The following TM4SF1 variants were observed in gnomAD, a reference collection of about 807,000 sequenced individuals.
TM4SF1 encodes transmembrane 4 L6 family member 1.
TM4SF1 carries 20 observed loss-of-function variants against 24.5 expected under a neutral mutation model. The observed-to-expected ratio is 0.82, with a 90% CI of 0.57 to 1.19. The LOEUF (loss-of-function observed/expected upper bound fraction) is 1.19. Among genes scored for constraint, TM4SF1 ranks in the 50% most tolerant of loss-of-function variants. The probability of loss-of-function intolerance (pLI) is 0.00; values close to 1 mark genes in which losing one functional copy is unlikely to be tolerated. For missense variants in TM4SF1, 258 were observed against 248.1 expected, an observed-to-expected ratio of 1.04 and a Z score of -0.27; for synonymous variants, 107 against 95.4, an observed-to-expected ratio of 1.12 and a Z score of -0.71.
intron 3 of TM4SF1, among the ~76,000 whole-genome samples, chr3:149,372,692 T>C (rs1372546721): frequency 6.6e-6 from 1 of 152,172 alleles, no homozygotes; most frequent in East Asian, 1.9e-4. Flanking sequence ...GGCGCAATCT[T>C]GGCTCATTGC....
chr3:149,371,385 G>C, intron 4 of TM4SF1: 1 of 551,316 alleles, frequency 1.8e-6, no homozygotes, highest in Non-Finnish European at 3.2e-6. Flanking sequence ...TTTTTTTTCT[G>C]TCTCTGCAGC....
At chr3:149,374,131 A>G (rs1293058777) in intron 3 of TM4SF1, among the ~76,000 whole-genome samples, 1 of 152,206 alleles carries the variant, frequency 6.6e-6, no homozygotes, top group Non-Finnish European at 1.5e-5. Flanking sequence ...ACAATGTGGC[A>G]GCCTCTGTGG....
chr3:149,375,480 C>A lies in TM4SF1; in HGVS notation c.376G>T (p.Gly126Cys). Reference protein sequence around the residue: ...AEGPLCLDSLGQWNYTFASTE... With the variant: ...AEGPLCLDSLCQWNYTFASTE... ...CTGGCAAAGGTGTAGTTCCACTGGC[C>A]GAGGGAATCAAGACATAGTGGTCCT... The change falls in exon 3 of 5, where the codon GGC becomes TGC. Residue 126 changes from glycine to cysteine, a missense_variant. Coordinates refer to ENST00000305366, the MANE Select transcript of TM4SF1 (RefSeq NM_014220.3). 1 of 1,614,124 alleles carries A rather than the reference C, an allele frequency of 6.2e-7. No individual in the cohort carries two copies. The highest frequency in any genetic ancestry group is 8.5e-7 in the Non-Finnish European group (1 of 1,180,032).
chr3:149,377,626 C>T lies in TM4SF1; in HGVS notation c.-79G>A, dbSNP rs1343156759. On this transcript the variant is annotated 5_prime_UTR_variant, in exon 1 of 5. Coordinates refer to ENST00000305366, the MANE Select transcript of TM4SF1 (RefSeq NM_014220.3). ...CCAAATTAGATGAAAGTGTGCCCTT[C>T]TGGTGGAGAAAGCAAACACCACTCT... is the stretch of plus-strand genomic sequence containing the variant. 22 of 1,531,962 alleles carry T rather than the reference C, an allele frequency of 1.4e-5. No homozygotes were observed. Among genetic ancestry groups the T allele is most frequent in the Non-Finnish European group, 1.9e-5 (22 of 1,140,340 alleles). The allele number at this position is 1,531,962 out of a possible 1,614,324, so 94.9% of individuals were successfully genotyped here.
Position 149,375,757 on chromosome 3 carries a change from C to T in TM4SF1, c.190G>A (p.Ala64Thr), listed in dbSNP as rs1560003553. Residue 64 changes from alanine (A) to threonine (T), a missense_variant, in exon 2 of 5, where the codon GCA becomes ACA. Coordinates refer to ENST00000305366, the MANE Select transcript of TM4SF1 (RefSeq NM_014220.3). Reference sequence around the variant, plus strand: ...TGTTCCAGCCCAATGAAGACAAATGCTGGCAGGAGCATCTGGTTAGGAAAC... The same window carrying T: ...TGTTCCAGCCCAATGAAGACAAATGTTGGCAGGAGCATCTGGTTAGGAAAC... ...VGGGLLMLLP[A>T]FVFIGLEQDD... is the part of the protein sequence containing the mutation. 2 of 1,614,104 alleles carry T rather than the reference C, an allele frequency of 1.2e-6. No individual in the cohort carries two copies. Among genetic ancestry groups the T allele is most frequent in the Non-Finnish European group, 1.7e-6 (2 of 1,180,046 alleles).
intron 3 of TM4SF1, among the ~76,000 whole-genome samples, chr3:149,374,156 A>ATTT (rs1203135423): frequency 1.5e-5 from 2 of 135,566 alleles, no homozygotes; most frequent in Non-Finnish European, 3.2e-5. Flanking sequence ...CATTTTACAT[A>ATTT]TTATTTCATT....
chr3:149,375,588 T>C lies in TM4SF1; in HGVS notation c.268A>G (p.Met90Val). The C allele has an allele frequency of 6.2e-7, 1 of 1,614,074 alleles. No homozygotes were observed. The highest frequency in any genetic ancestry group is 8.5e-7 in the Non-Finnish European group (1 of 1,179,996). ...GHENCGKRCA[M>V]LSSVLAALIG... ...AGAGCAGCCAATACAGAAGAAAGCA[T>C]CTAGGGAAAAGCAGACACACAGGAA... is the stretch of plus-strand genomic sequence containing the variant. The change falls in exon 3 of 5, where the codon ATG becomes GTG. Residue 90 changes from methionine to valine, a missense_variant and splice_region_variant. Transcript: ENST00000305366.
chr3:149,374,746 CA>C (rs1396861895), intron 3 of TM4SF1, among the ~76,000 whole-genome samples: 1 of 144,920 alleles, frequency 6.9e-6, no homozygotes, highest in African/African-American at 2.9e-5. Flanking sequence ...CATGTATACA[CA>C]GGGGTAAGGG....
rs1430710429 is a variant in TM4SF1, at chr3:149,374,131, A to AGCTGCATACAATGTGGC, written c.413+1311_413+1312insGCCACATTGTATGCAGC. Among the ~76,000 whole-genome samples the AGCTGCATACAATGTGGC allele has an allele frequency of 7.9e-5, 12 of 152,324 alleles. No homozygotes were observed. In the East Asian group the frequency reaches 2.3e-3, roughly 29 times the overall value. ...CAGTGGCAGTTGCACACAATGTGGC[A>AGCTGCATACAATGTGGC]GCCTCTGTGGGGAACATTTTACATA... On this transcript the variant is annotated intron_variant, in intron 3 of 4. Transcript: ENST00000305366.
At chr3:149,373,356 A>C (rs1731875729) in intron 3 of TM4SF1, among the ~76,000 whole-genome samples, 1 of 152,234 alleles carries the variant, frequency 6.6e-6, no homozygotes, top group Non-Finnish European at 1.5e-5. Context: ...TAGCTCTCCT[A>C]GAATTTCAGC....
In TM4SF1 at chr3:149,375,579, A is replaced by C; in HGVS notation, c.277T>G (p.Ser93Ala). 6.2e-7 allele frequency: 1 copy of C among 1,614,210 alleles called. No homozygotes were observed. The highest frequency in any genetic ancestry group is 8.5e-7 in the Non-Finnish European group (1 of 1,180,038). The change falls in exon 3 of 5, where the codon TCT becomes GCT. Residue 93 changes from serine to alanine, a missense_variant. Physicochemically the swap from Ser to Ala is moderately conservative, Grantham distance 99. Coordinates refer to ENST00000305366, the MANE Select transcript of TM4SF1 (RefSeq NM_014220.3). ...NCGKRCAMLS[S>A]VLAALIGIAG... ...ATTCCAATGAGAGCAGCCAATACAGAAGAAAGCATCTAGGGAAAAGCAGAC... is the reference window on the plus strand; with the variant it reads ...ATTCCAATGAGAGCAGCCAATACAGCAGAAAGCATCTAGGGAAAAGCAGAC...
intron 4 of TM4SF1, 88 bp downstream of exon 4, chr3:149,371,599 A>T: frequency 7.5e-7 from 1 of 1,339,302 alleles, no homozygotes; most frequent in African/African-American, 1.4e-5. Flanking sequence ...TAGGTCGAGC[A>T]TGTTTGGTTT....
At position 149,375,535 on chromosome 3, in the gene TM4SF1, A is replaced by C. The variant is rs1731929283; in HGVS notation, c.321T>G (p.Cys107Trp). Residue 107 changes from cysteine (C) to tryptophan (W), a missense_variant, in exon 3 of 5, where the codon TGT becomes TGG. Physicochemically the swap from Cys to Trp is radical, Grantham distance 215. Transcript: ENST00000305366. ...ALIGIAGSGYCVIVAALGLAE... is the reference protein window; with the variant it reads ...ALIGIAGSGYWVIVAALGLAE... Reference sequence around the variant, plus strand: ...CTAAGCCAAGGGCTGCCACAATGACACAGTAGCCAGATCCTGCAATTCCAA... The same window carrying C: ...CTAAGCCAAGGGCTGCCACAATGACCCAGTAGCCAGATCCTGCAATTCCAA... The C allele has an allele frequency of 6.2e-7, 1 of 1,614,238 alleles. No homozygotes were observed. Among genetic ancestry groups the C allele is most frequent in the Non-Finnish European group, 8.5e-7 (1 of 1,180,032 alleles).
At chr3:149,371,934 T>C in intron 3 of TM4SF1, 67 bp from the exon 4 acceptor site, 1 of 1,477,806 alleles carries the variant, frequency 6.8e-7, no homozygotes, top group Non-Finnish European at 9.3e-7. Flanking sequence ...AAACTACTTT[T>C]GTTTGGTGGT....
intron 3 of TM4SF1, among the ~76,000 whole-genome samples, chr3:149,373,114 A>T (rs1180364272): frequency 6.6e-6 from 1 of 152,232 alleles, no homozygotes; most frequent in East Asian, 1.9e-4. Flanking sequence ...AGCTCCATGA[A>T]GGTAGGAGCC....
intron 4 of TM4SF1, 90 bp downstream of exon 4, chr3:149,371,597 G>A: frequency 7.5e-7 from 1 of 1,324,856 alleles, no homozygotes; most frequent in Non-Finnish European, 1.1e-6. Context: ...GGTAGGTCGA[G>A]CATGTTTGGT....
chr3:149,371,562 C>CAA, intron 4 of TM4SF1, 125 bp downstream of exon 4: 1 of 962,040 alleles, frequency 1.0e-6, no homozygotes, highest in Non-Finnish European at 1.6e-6. Context: ...TGTGTTGCTA[C>CAA]AAAGATGATA....
chr3:149,377,591 C>G lies in TM4SF1; in HGVS notation c.-44G>C, dbSNP rs1456610328. On this transcript the variant is annotated 5_prime_UTR_variant, in exon 1 of 5. Transcript: ENST00000305366. ...CTCCCCCTTCTCTTTGTCTTCAGCT[C>G]AGTGATACCCCAAATTAGATGAAAG... 6.3e-7 allele frequency: 1 copy of G among 1,580,142 alleles called. No homozygotes were observed. Among genetic ancestry groups the G allele is most frequent in the Non-Finnish European group, 8.6e-7 (1 of 1,162,116 alleles).
In TM4SF1 at chr3:149,369,591, C is replaced by T. The variant is rs1344367584; in HGVS notation, c.*275G>A. 1.8e-5 allele frequency: 7 copies of T among 397,774 alleles called. No individual in the cohort carries two copies. Among genetic ancestry groups the T allele is most frequent in the Non-Finnish European group, 3.1e-5 (7 of 223,096 alleles). The allele number at this position is 397,774 out of a possible 1,614,324, so 24.6% of individuals were successfully genotyped here. A position where few individuals can be genotyped will look rare whatever the true frequency, so the allele number is the denominator to read the frequency against. ...CATTATAGAGTTTATCTCAGATATA[C>T]TGAGTACTGTCACTCAGTCTGTAAA... is the stretch of plus-strand genomic sequence containing the variant. On this transcript the variant is annotated 3_prime_UTR_variant, in exon 5 of 5. Coordinates refer to ENST00000305366, the MANE Select transcript of TM4SF1 (RefSeq NM_014220.3).
Sources: allele counts gnomAD v4.1 joint callset (sites outside exome capture counted in the v4.1 genomes callset), GRCh38; gene constraint gnomAD v4.1.1; transcripts MANE v1.5; gene names NCBI Gene and HGNC (gene_info 2026-07-23, HGNC 2026-07-21).